The following NBEAL1 variants were observed in gnomAD, a reference collection of about 807,000 sequenced individuals.
The protein encoded by NBEAL1 is neurobeachin-like protein 1.
In NBEAL1, 273 loss-of-function variants were observed where a neutral mutation model predicts 351.3. The observed-to-expected ratio is 0.78, with a 90% CI of 0.70 to 0.86. The LOEUF (loss-of-function observed/expected upper bound fraction) is 0.86. NBEAL1 is among the 40% of genes least tolerant of loss of function. The probability of loss-of-function intolerance (pLI) is 0.00; values close to 1 mark genes in which losing one functional copy is unlikely to be tolerated. For synonymous variants in NBEAL1, 1,050 were observed against 1,086.4 expected (o/e 0.97, Z 0.66); for missense variants, 2,961 against 3,201.3 (o/e 0.92, Z 1.81).
chr2:203,126,137 T>C (rs767343368), intron 21 of NBEAL1, 44 bp downstream of exon 21: 4 of 1,483,736 alleles, frequency 2.7e-6, no homozygotes, highest in Non-Finnish European at 3.6e-6. Context: ...ATAATTGTGA[T>C]TTGCAGTTGA....
chr2:203,138,305 G>A lies in NBEAL1; in HGVS notation c.4709G>A (p.Trp1570Ter), dbSNP rs1393780111. ...GAGGGACTAGTTAATTCAAACATGT[G>A]GACCGAGAAGGTGCAGTAATATCTC... ...QSEGLVNSNM[W>*]TEKLLEDMML... The change falls in exon 30 of 56, where the codon TGG (tryptophan) becomes TAG (stop). Residue 1570 changes from tryptophan to a stop codon, truncating the protein, a stop_gained. Transcript: ENST00000683969. LOFTEE classifies it high-confidence loss of function. The A allele has an allele frequency of 1.2e-6, 2 of 1,610,842 alleles. No individual in the cohort carries two copies. The highest frequency in any genetic ancestry group is 2.2e-5 in the East Asian group (1 of 44,852).
rs556587884 is a variant in NBEAL1, at chr2:203,219,071, T to C, written c.*1717T>C. The C allele has an allele frequency of 2.0e-5, 3 of 152,302 alleles. No homozygotes were observed. The East Asian group carries it at 5.8e-4, about 29-fold the overall frequency. The allele number at this position is 152,302 out of a possible 1,614,324, so 9.4% of individuals were successfully genotyped here. A position where few individuals can be genotyped will look rare whatever the true frequency, so the allele number is the denominator to read the frequency against. ...AATGAGACTGGCATCTATTCATTTA[T>C]TTTATTCTTTTTTGGGGTGATGGGA... On this transcript the variant is annotated 3_prime_UTR_variant, in exon 56 of 56. Transcript: ENST00000683969.
rs1334453355 is a variant in NBEAL1, at chr2:203,218,902, T to C, written c.*1548T>C. 6.6e-6 allele frequency: 1 copy of C among 152,202 alleles called. No homozygotes were observed. The highest frequency in any genetic ancestry group is 1.5e-5 in the Non-Finnish European group (1 of 68,034). The allele number at this position is 152,202 out of a possible 1,614,324, so 9.4% of individuals were successfully genotyped here. A position where few individuals can be genotyped will look rare whatever the true frequency, so the allele number is the denominator to read the frequency against. ...TGTTTTATTAAGGAAAAAATAGCTA[T>C]GTTTTAGGTAAATAACTCTGAAATA... On this transcript the variant is annotated 3_prime_UTR_variant, in exon 56 of 56. Coordinates refer to ENST00000683969, the MANE Select transcript of NBEAL1 (RefSeq NM_001378026.1).
At chr2:203,100,777 A>C (rs1268837581) in intron 12 of NBEAL1, among the ~76,000 whole-genome samples, 1 of 151,894 alleles carries the variant, frequency 6.6e-6, no homozygotes. Context: ...TGAACTCCCA[A>C]CCGCAGGTGA....
intron 24 of NBEAL1, 137 bp from the exon 25 acceptor site, chr2:203,130,181 G>T: frequency 1.2e-6 from 1 of 845,568 alleles, no homozygotes; most frequent in Non-Finnish European, 1.7e-6. Flanking sequence ...TTTTTAAAAA[G>T]ACATCATATC....
At chr2:203,121,440 G>T (rs2062828571) in intron 18 of NBEAL1, among the ~76,000 whole-genome samples, 1 of 152,050 alleles carries the variant, frequency 6.6e-6, no homozygotes, top group South Asian at 2.1e-4. Context: ...ATCCCTTGAG[G>T]TCAGGAGTTC....
chr2:203,138,005 A>AG (rs757142617), intron 29 of NBEAL1, among the ~76,000 whole-genome samples, 157 bp from the exon 30 acceptor site: 129 of 151,300 alleles, frequency 8.5e-4, no homozygotes, highest in East Asian at 6.4e-3. Context: ...AAAAAAAAAA[A>AG]TTCAATTTCC....
At position 203,105,638 on chromosome 2, in the gene NBEAL1, G is replaced by A. The variant is rs1212062874; in HGVS notation, c.1270-1782G>A. On this transcript the variant is annotated intron_variant, in intron 12 of 55. Coordinates refer to ENST00000683969, the MANE Select transcript of NBEAL1 (RefSeq NM_001378026.1). ...TGATGTATGAAAGTATGTAATACATGTGGCTTAACACCTGAAATAAAATCA... is the reference window on the plus strand; with the variant it reads ...TGATGTATGAAAGTATGTAATACATATGGCTTAACACCTGAAATAAAATCA... 2.6e-5 allele frequency among the ~76,000 whole-genome samples: 4 copies of A among 152,136 alleles called. No homozygotes were observed. The East Asian group carries it at 7.7e-4, about 29-fold the overall frequency.
At chr2:203,138,450 T>G (rs2106320199) in intron 30 of NBEAL1, 135 bp downstream of exon 30, 1 of 1,035,072 alleles carries the variant, frequency 9.7e-7, no homozygotes, top group East Asian at 2.6e-5. Flanking sequence ...TGATGAATAG[T>G]CACAGATTTT....
intron 31 of NBEAL1, among the ~76,000 whole-genome samples, chr2:203,143,899 G>T (rs986758307): frequency 1.3e-5 from 2 of 152,018 alleles, no homozygotes; most frequent in African/African-American, 4.8e-5. Context: ...AGACAAGTTT[G>T]CTGCCCGGTA....
intron 45 of NBEAL1, among the ~76,000 whole-genome samples, chr2:203,189,549 C>G (rs903625611): frequency 2.6e-5 from 4 of 151,808 alleles, no homozygotes; most frequent in African/African-American, 7.3e-5. Context: ...CCACACCCAG[C>G]TAATTTTTAA....
chr2:203,022,496 A>G (rs890934248), intron 2 of NBEAL1, among the ~76,000 whole-genome samples: 2 of 152,200 alleles, frequency 1.3e-5, no homozygotes, highest in South Asian at 2.1e-4. Flanking sequence ...TTAAGGACCT[A>G]AAAGGTTAAC....
At chr2:203,171,287 AATAAT>A (rs2064310964) in intron 39 of NBEAL1, among the ~76,000 whole-genome samples, 1 of 134,204 alleles carries the variant, frequency 7.5e-6, no homozygotes, top group South Asian at 2.4e-4. Flanking sequence ...TAAAAAATGA[AATAAT>A]AAAATAAAAT....
At chr2:203,167,424 C>A in intron 38 of NBEAL1, 64 bp downstream of exon 38, 1 of 1,454,024 alleles carries the variant, frequency 6.9e-7, no homozygotes, top group Non-Finnish European at 9.2e-7. Flanking sequence ...AGCTAGTGAG[C>A]TCTAATGGAA....
chr2:203,123,140 A>AG (rs2062864634), intron 19 of NBEAL1, among the ~76,000 whole-genome samples: 1 of 151,168 alleles, frequency 6.6e-6, no homozygotes, highest in African/African-American at 2.4e-5. Context: ...AATCAGGAAA[A>AG]AAAAAAAAAC....
In NBEAL1 at chr2:203,125,941, T is replaced by G; in HGVS notation, c.2852-19T>G. The G allele has an allele frequency of 6.7e-7, 1 of 1,485,072 alleles. No homozygotes were observed. Among genetic ancestry groups the G allele is most frequent in the Admixed American group, 2.8e-5 (1 of 35,854 alleles). 92.0% of individuals were successfully genotyped at this position (1,485,072 alleles called of 1,614,324 possible). ...TGATTAGAGAAATTATGATAATTAA[T>G]ATGTTCCTGATTCTACAGAGTCAAG... On this transcript the variant is annotated intron_variant, in intron 20 of 55. Coordinates refer to ENST00000683969, the MANE Select transcript of NBEAL1 (RefSeq NM_001378026.1).
At chr2:203,110,074 A>C (rs185120192) in intron 14 of NBEAL1, 76 bp from the exon 15 acceptor site, 22 of 1,359,360 alleles carry the variant, frequency 1.6e-5, no homozygotes, top group Non-Finnish European at 2.1e-5. Flanking sequence ...TGATGGCTTT[A>C]TGGTTTTATG....
rs1361759513 is a variant in NBEAL1 at position 203,068,390 on chromosome 2, T to TTA, written c.516-3_516-2insTA. On this transcript the variant is annotated splice_polypyrimidine_tract_variant and splice_region_variant and intron_variant, in intron 6 of 55. Coordinates refer to ENST00000683969, the MANE Select transcript of NBEAL1 (RefSeq NM_001378026.1). Reference sequence around the variant, plus strand: ...CTTATTATTAACTTCTTTTTAATGATAGACGAATCCTTAGTACTGTGGAAA... The same window carrying TTA: ...CTTATTATTAACTTCTTTTTAATGATTAAGACGAATCCTTAGTACTGTGGAAA... 1 of 1,498,118 alleles carries TTA rather than the reference T, an allele frequency of 6.7e-7. No individual in the cohort carries two copies. Among genetic ancestry groups the TTA allele is most frequent in the Non-Finnish European group, 9.0e-7 (1 of 1,113,002 alleles). 92.8% of individuals were successfully genotyped at this position (1,498,118 alleles called of 1,614,324 possible).
intron 11 of NBEAL1, among the ~76,000 whole-genome samples, chr2:203,099,169 A>G (rs375907709): frequency 6.6e-6 from 1 of 151,404 alleles, no homozygotes; most frequent in African/African-American, 2.4e-5. Context: ...TCAGCTACTC[A>G]GGAGGCTGAG....
Sources: allele counts gnomAD v4.1 joint callset (sites outside exome capture counted in the v4.1 genomes callset), GRCh38; gene constraint gnomAD v4.1.1; transcripts MANE v1.5; gene names NCBI Gene and HGNC (gene_info 2026-07-23, HGNC 2026-07-21).